TBC1D5: variants seen among roughly 807,000 people sequenced by gnomAD.
The protein encoded by TBC1D5 is TBC1 domain family member 5.
Under a neutral mutation model 100.3 loss-of-function variants are expected in TBC1D5, and 75 were observed. The observed-to-expected ratio is 0.75, with a 90% CI of 0.62 to 0.91. TBC1D5 has a LOEUF of 0.91. Among genes scored for constraint, TBC1D5 ranks in the 40% least tolerant of loss-of-function variants. The probability of loss-of-function intolerance (pLI) is 0.00; values close to 1 mark genes in which losing one functional copy is unlikely to be tolerated. For missense variants in TBC1D5, 910 were observed against 942.4 expected (o/e 0.97, Z 0.45); for synonymous variants, 323 against 325.6 (o/e 0.99, Z 0.09).
At chr3:17,464,389 T>C (rs137982933) in intron 3 of TBC1D5, among the ~76,000 whole-genome samples, 14 of 152,326 alleles carry the variant, frequency 9.2e-5, no homozygotes, top group African/African-American at 3.4e-4. Flanking sequence ...TGTGTTTTTC[T>C]ACTATCTCAA....
intron 1 of TBC1D5, among the ~76,000 whole-genome samples, chr3:17,628,305 G>T (rs935556429): frequency 6.6e-6 from 1 of 151,754 alleles, no homozygotes; most frequent in Non-Finnish European, 1.5e-5. Context: ...GGAGGTAGAG[G>T]CTGCAGTGAA....
intron 8 of TBC1D5, among the ~76,000 whole-genome samples, chr3:17,387,307 G>GT (rs2093192000): frequency 6.6e-6 from 1 of 152,050 alleles, no homozygotes; most frequent in Non-Finnish European, 1.5e-5. Context: ...CTGTGCCAAG[G>GT]TATCTGGGTA....
At chr3:17,461,423 G>C (rs2095207399) in intron 3 of TBC1D5, among the ~76,000 whole-genome samples, 1 of 152,102 alleles carries the variant, frequency 6.6e-6, no homozygotes, top group Non-Finnish European at 1.5e-5. Flanking sequence ...GATAGTTACT[G>C]AATGTTCTGC....
chr3:17,491,804 T>TA (rs1247569185), intron 3 of TBC1D5, among the ~76,000 whole-genome samples: 1,718 of 152,314 alleles, frequency 0.011, 25 homozygotes, highest in African/African-American at 0.038. Flanking sequence ...CAGGATGATG[T>TA]AAGCTTCATA....
At chr3:17,353,496 A>G (rs1265707235) in intron 13 of TBC1D5, among the ~76,000 whole-genome samples, 1 of 152,102 alleles carries the variant, frequency 6.6e-6, no homozygotes, top group Non-Finnish European at 1.5e-5. Flanking sequence ...CATAAATATC[A>G]GACAATTACA....
chr3:17,626,862 CT>C (rs1373257406), intron 1 of TBC1D5, among the ~76,000 whole-genome samples: 4 of 152,072 alleles, frequency 2.6e-5, no homozygotes, highest in Non-Finnish European at 5.9e-5. Context: ...GAGGAAAAAA[CT>C]AGGACAAATT....
intron 13 of TBC1D5, 135 bp from the exon 14 acceptor site, chr3:17,308,269 A>ACT: frequency 1.2e-6 from 1 of 829,610 alleles, no homozygotes; most frequent in Non-Finnish European, 1.7e-6. Context: ...ATAATATAGT[A>ACT]AAATCTATAT....
chr3:17,564,500 TTAGTG>T (rs971363285), intron 2 of TBC1D5, among the ~76,000 whole-genome samples: 1 of 152,184 alleles, frequency 6.6e-6, no homozygotes, highest in Non-Finnish European at 1.5e-5. Flanking sequence ...TTCAACATGA[TTAGTG>T]TACAAAGTGA....
chr3:17,497,143 T>C (rs1294724201), intron 3 of TBC1D5, among the ~76,000 whole-genome samples: 2 of 143,170 alleles, frequency 1.4e-5, no homozygotes, highest in Non-Finnish European at 3.0e-5. Context: ...CACACCATCC[T>C]TGTATATCTG....
At chr3:17,598,092 T>C (rs1412246168) in intron 2 of TBC1D5, among the ~76,000 whole-genome samples, 1 of 143,764 alleles carries the variant, frequency 7.0e-6, no homozygotes, top group African/African-American at 2.6e-5. Context: ...GCACTTGAGG[T>C]TTATTCCTAT....
intron 2 of TBC1D5, among the ~76,000 whole-genome samples, chr3:17,531,431 T>C (rs1213895634): frequency 2.0e-5 from 3 of 152,190 alleles, no homozygotes; most frequent in South Asian, 2.1e-4. Context: ...ACAGATTCAA[T>C]GCCATCCCCA....
intron 19 of TBC1D5, among the ~76,000 whole-genome samples, chr3:17,181,992 G>A (rs1194185875): frequency 1.3e-5 from 2 of 152,018 alleles, no homozygotes; most frequent in African/African-American, 2.4e-5. Context: ...TAATGAGAAA[G>A]AGAAACACAT....
intron 9 of TBC1D5, among the ~76,000 whole-genome samples, chr3:17,381,389 A>C (rs2152189469): frequency 6.6e-6 from 1 of 152,216 alleles, no homozygotes; most frequent in South Asian, 2.1e-4. Context: ...ATTCACTATC[A>C]TCAAGTCTTT....
chr3:17,486,451 C>T (rs1021673154), intron 3 of TBC1D5, among the ~76,000 whole-genome samples: 2 of 152,110 alleles, frequency 1.3e-5, no homozygotes, highest in Non-Finnish European at 2.9e-5. Flanking sequence ...AGGTTTTCTT[C>T]TAGGGTTTTG....
chr3:17,195,343 C>G (rs575894529), intron 18 of TBC1D5, among the ~76,000 whole-genome samples: 64 of 152,178 alleles, frequency 4.2e-4, no homozygotes, highest in Non-Finnish European at 8.2e-4. Flanking sequence ...GGGTTTTCCC[C>G]CTCCCCACTT....
chr3:17,356,994 T>A (rs2091275250), intron 13 of TBC1D5, among the ~76,000 whole-genome samples: 1 of 149,200 alleles, frequency 6.7e-6, no homozygotes. Context: ...TGTTTTGTGA[T>A]AAAAAAAAAA....
intron 13 of TBC1D5, among the ~76,000 whole-genome samples, chr3:17,359,580 G>A (rs2091520594): frequency 6.6e-6 from 1 of 151,984 alleles, no homozygotes; most frequent in Admixed American, 6.6e-5. Context: ...CACATTTGAA[G>A]CCCTCTTTGT....
chr3:17,693,473 C>T (rs2071486982), intron 1 of TBC1D5, among the ~76,000 whole-genome samples: 1 of 152,250 alleles, frequency 6.6e-6, no homozygotes, highest in Non-Finnish European at 1.5e-5. Flanking sequence ...CGGAGCCTTG[C>T]TCACTGCTAG....
chr3:17,545,452 G>A (rs1022849069), intron 2 of TBC1D5, among the ~76,000 whole-genome samples: 2 of 152,164 alleles, frequency 1.3e-5, no homozygotes, highest in Admixed American at 6.5e-5. Context: ...TTGTGGTACC[G>A]TGTTACGACA....
Sources: allele counts gnomAD v4.1 joint callset (sites outside exome capture counted in the v4.1 genomes callset), GRCh38; gene constraint gnomAD v4.1.1; transcripts MANE v1.5; gene names NCBI Gene and HGNC (gene_info 2026-07-23, HGNC 2026-07-21).